IAH1: variants seen among roughly 807,000 people sequenced by gnomAD.
IAH1 encodes isoamyl acetate hydrolyzing esterase 1 (putative), also known as isoamyl acetate-hydrolyzing esterase 1 homolog.
In IAH1, 24 loss-of-function variants were observed where a neutral mutation model predicts 26.7. That is an observed-to-expected ratio of 0.90 (90% CI 0.65 to 1.26). The LOEUF is 1.26. IAH1 is among the 50% of genes most tolerant of loss of function. The pLI, the probability that IAH1 is intolerant of heterozygous loss-of-function variation, is 0.00. For synonymous variants in IAH1, 140 were observed against 118.5 expected, an observed-to-expected ratio of 1.18 and a Z score of -1.18; for missense variants, 300 against 299.9, an observed-to-expected ratio of 1.00 and a Z score of 0.00.
At chr2:9,502,131 A>G in the IAH1 span, 4 of 1,528,332 alleles carry the variant, frequency 2.6e-6, no homozygotes, top group African/African-American at 2.7e-5. Flanking sequence ...ACACACACAC[A>G]CTTGACCCAC....
the IAH1 span, chr2:9,502,315 T>G: frequency 1.4e-3 from 2,145 of 1,525,252 alleles, 12 homozygotes; most frequent in Non-Finnish European, 8.0e-4. Flanking sequence ...GCAATTCAAA[T>G]TATGGCCCCA....
chr2:9,512,287 A>T, the IAH1 span: 1 of 152,136 alleles, frequency 6.6e-6, no homozygotes, highest in African/African-American at 2.4e-5. Context: ...TTTCAAATCA[A>T]ATTTTGTTTT....
chr2:9,476,091 G>A (rs950871529), intron 2 of IAH1, 52 bp downstream of exon 2: 1 of 1,472,704 alleles, frequency 6.8e-7, no homozygotes. Context: ...ATGTCTTAGG[G>A]ATCCGTCTTA....
chr2:9,507,800 G>A, the IAH1 span, among the ~76,000 whole-genome samples: 5 of 151,952 alleles, frequency 3.3e-5, no homozygotes, highest in South Asian at 2.1e-4. Flanking sequence ...GCTCACTGCC[G>A]CCTTGAACTC....
At chr2:9,496,718 G>C (rs1258206313), downstream of IAH1, among the ~76,000 whole-genome samples, 3 of 152,206 alleles carry the variant, frequency 2.0e-5, no homozygotes, top group Non-Finnish European at 2.9e-5. Flanking sequence ...TGGTGGAGTT[G>C]TTGCAGGAGT....
At chr2:9,501,284 T>C (rs1250905853), downstream of IAH1, among the ~76,000 whole-genome samples, 1 of 152,178 alleles carries the variant, frequency 6.6e-6, no homozygotes, top group Non-Finnish European at 1.5e-5. Flanking sequence ...GATTACTTTA[T>C]ACTCATCATG....
chr2:9,504,687 G>A, the IAH1 span, among the ~76,000 whole-genome samples: 6 of 150,266 alleles, frequency 4.0e-5, no homozygotes, highest in South Asian at 2.1e-4. Flanking sequence ...ACTTGAACCC[G>A]GGAGACAAAG....
At chr2:9,477,031 G>A (rs1162608421) in intron 2 of IAH1, among the ~76,000 whole-genome samples, 3 of 152,124 alleles carry the variant, frequency 2.0e-5, no homozygotes, top group African/African-American at 2.4e-5. Flanking sequence ...ACAGGCACTC[G>A]CTACCACACC....
intron 5 of IAH1, among the ~76,000 whole-genome samples, chr2:9,487,784 C>CTT (rs1422978415): frequency 4.1e-4 from 57 of 137,818 alleles, no homozygotes; most frequent in African/African-American, 1.4e-3. Flanking sequence ...CCTCCCCGGC[C>CTT]TTTTTGTGTG....
At chr2:9,497,323 T>C, downstream of IAH1, 1 of 1,573,784 alleles carries the variant, frequency 6.4e-7, no homozygotes, top group South Asian at 1.2e-5. Context: ...TAATACGCTG[T>C]TTCTCATACA....
rs1661861806 is a variant in IAH1 at position 9,489,184 on chromosome 2, C to G, written c.*855C>G. 1 of 149,854 alleles carries G rather than the reference C, an allele frequency of 6.7e-6. No individual in the cohort carries two copies. The highest frequency in any genetic ancestry group is 2.5e-5 in the African/African-American group (1 of 40,374). 9.3% of individuals were successfully genotyped at this position (149,854 alleles called of 1,614,324 possible). A position where few individuals can be genotyped will look rare whatever the true frequency, so the allele number is the denominator to read the frequency against. The stretch of plus-strand genomic sequence containing the variant: ...TGTTGTTGTTGTTGTTAAGAAATAT[C>G]TCACCCTCTTATTCAATAGTGTTTG... On this transcript the variant is annotated 3_prime_UTR_variant, in exon 6 of 6. Coordinates refer to ENST00000497473, the MANE Select transcript of IAH1 (RefSeq NM_001039613.3).
At chr2:9,495,731 C>T (rs973370660) in intron 6 of IAH1, among the ~76,000 whole-genome samples, 4 of 150,512 alleles carry the variant, frequency 2.7e-5, no homozygotes, top group African/African-American at 9.8e-5. Flanking sequence ...AAAAGAAAAC[C>T]TTTTCATCAT....
the IAH1 span, chr2:9,509,886 G>T: frequency 2.0e-6 from 3 of 1,475,864 alleles, no homozygotes; most frequent in Non-Finnish European, 2.8e-6. Flanking sequence ...CTAGGGAAAC[G>T]CCTAGGAATG....
chr2:9,474,538 G>GGCCCGGCCCC, upstream of IAH1: 3 of 1,293,728 alleles, frequency 2.3e-6, no homozygotes, highest in Non-Finnish European at 3.1e-6. The surrounding 1 kb of genome is among the most constrained non-coding windows in gnomAD (Gnocchi z 4.3). Context: ...CGTGGCTGGC[G>GGCCCGGCCCC]GCCCCGCCCC....
the IAH1 span, among the ~76,000 whole-genome samples, chr2:9,508,836 A>C: frequency 1.3e-5 from 2 of 152,188 alleles, no homozygotes; most frequent in African/African-American, 2.4e-5. Flanking sequence ...ACAGTTTGAC[A>C]GGTTGGAAGA....
At chr2:9,478,196 CA>C in intron 2 of IAH1, 25 bp from the exon 3 acceptor site, 1 of 1,587,104 alleles carries the variant, frequency 6.3e-7, no homozygotes, top group Non-Finnish European at 8.6e-7. Flanking sequence ...GCCCACAATT[CA>C]TCTTTTTAAA....
chr2:9,505,207 G>C, the IAH1 span: 1 of 1,614,174 alleles, frequency 6.2e-7, no homozygotes, highest in Non-Finnish European at 8.5e-7. Context: ...CGCTGTTGCA[G>C]CAGGTGTCGT....
At chr2:9,494,625 A>AT, downstream of IAH1, 1 of 1,613,202 alleles carries the variant, frequency 6.2e-7, no homozygotes, top group Non-Finnish European at 8.5e-7. Flanking sequence ...AAAGCTGTAC[A>AT]TAAATACTCA....
At chr2:9,497,919 C>T (rs1259885472), downstream of IAH1, among the ~76,000 whole-genome samples, 1 of 152,048 alleles carries the variant, frequency 6.6e-6, no homozygotes, top group East Asian at 1.9e-4. Flanking sequence ...TCTGTTTTCC[C>T]TCTACTAGAC....
Sources: allele counts gnomAD v4.1 joint callset (sites outside exome capture counted in the v4.1 genomes callset), GRCh38; gene constraint gnomAD v4.1.1; non-coding constraint Gnocchi (gnomAD v3.1); transcripts MANE v1.5; gene names NCBI Gene and HGNC (gene_info 2026-07-23, HGNC 2026-07-21).